The following TBCK variants were observed in gnomAD, a reference collection of about 807,000 sequenced individuals.
TBCK encodes the protein TBC domain-containing protein kinase-like protein.
Under a neutral mutation model 113.4 loss-of-function variants are expected in TBCK, and 99 were observed. That is an observed-to-expected ratio of 0.87 (90% CI 0.74 to 1.03). TBCK has a LOEUF of 1.03. TBCK is among the 50% of genes least tolerant of loss of function. TBCK has a pLI of 0.00. For missense variants in TBCK, 1,045 were observed against 1,061.3 expected, an observed-to-expected ratio of 0.98 and a Z score of 0.21; for synonymous variants, 369 against 370.8, an observed-to-expected ratio of 1.00 and a Z score of 0.05.
chr4:106,078,989 CTAAA>C (rs2149489108), intron 25 of TBCK, among the ~76,000 whole-genome samples: 1 of 152,146 alleles, frequency 6.6e-6, no homozygotes, highest in East Asian at 1.9e-4. Context: ...ACATATGCAA[CTAAA>C]TAAATATGAT....
At chr4:106,153,590 A>G (rs1229069999) in intron 23 of TBCK, among the ~76,000 whole-genome samples, 1 of 152,130 alleles carries the variant, frequency 6.6e-6, no homozygotes, top group Non-Finnish European at 1.5e-5. Context: ...CATTTGGTCT[A>G]TAATGCAGGT....
intron 25 of TBCK, among the ~76,000 whole-genome samples, chr4:106,049,986 C>T (rs1055231010): frequency 6.6e-6 from 1 of 151,924 alleles, no homozygotes; most frequent in Non-Finnish European, 1.5e-5. Context: ...TGTCTGGGAC[C>T]TCAAACTGCA....
intron 20 of TBCK, among the ~76,000 whole-genome samples, chr4:106,199,200 T>C (rs1754599871): frequency 6.6e-6 from 1 of 152,176 alleles, no homozygotes; most frequent in Admixed American, 6.5e-5. Context: ...ATAATTTCTA[T>C]GTCATTAAAT....
chr4:106,256,461 C>T (rs956699658), intron 5 of TBCK, among the ~76,000 whole-genome samples: 5 of 152,178 alleles, frequency 3.3e-5, no homozygotes, highest in African/African-American at 4.8e-5. Flanking sequence ...CACACCCAGC[C>T]GGGGTCCAAC....
chr4:106,149,228 G>C (rs1455286041), intron 23 of TBCK, among the ~76,000 whole-genome samples: 1 of 152,200 alleles, frequency 6.6e-6, no homozygotes. Flanking sequence ...TCAGCAGGAA[G>C]TCTGCTTTGC....
intron 20 of TBCK, among the ~76,000 whole-genome samples, chr4:106,201,929 T>A (rs1297954886): frequency 6.6e-6 from 1 of 152,058 alleles, no homozygotes; most frequent in Non-Finnish European, 1.5e-5. Flanking sequence ...TATATGTACA[T>A]TAGGAAACAT....
chr4:106,236,625 A>C, intron 13 of TBCK, 106 bp from the exon 14 acceptor site: 1 of 1,156,786 alleles, frequency 8.6e-7, no homozygotes, highest in Non-Finnish European at 1.1e-6. Context: ...AAAGCACAAA[A>C]TTTTAATAAA....
chr4:106,172,519 T>C (rs1322728671), intron 22 of TBCK, among the ~76,000 whole-genome samples: 2 of 152,172 alleles, frequency 1.3e-5, no homozygotes, highest in African/African-American at 2.4e-5. Flanking sequence ...ACAAATGGCA[T>C]ATATTCTCAT....
At chr4:106,167,603 T>C (rs1459623807) in intron 23 of TBCK, among the ~76,000 whole-genome samples, 5 of 151,486 alleles carry the variant, frequency 3.3e-5, no homozygotes, top group Non-Finnish European at 5.9e-5. Context: ...CTTGCAAAGA[T>C]GAATAAAATC....
At chr4:106,246,977 A>C (rs555282754) in intron 10 of TBCK, among the ~76,000 whole-genome samples, 162 bp downstream of exon 10, 1 of 152,154 alleles carries the variant, frequency 6.6e-6, no homozygotes, top group South Asian at 2.1e-4. Flanking sequence ...GAGCCACTGC[A>C]CCCAGCCAGT....
chr4:106,284,380 T>A (rs1764914845), intron 3 of TBCK, among the ~76,000 whole-genome samples: 1 of 152,094 alleles, frequency 6.6e-6, no homozygotes, highest in Non-Finnish European at 1.5e-5. Flanking sequence ...GTAGGCAATG[T>A]TTTAACAGGG....
intron 12 of TBCK, chr4:106,237,432 A>C: frequency 2.2e-6 from 1 of 451,320 alleles, no homozygotes; most frequent in South Asian, 1.6e-5. Context: ...GGAAGGCAGT[A>C]GTAAAGTAAA....
At chr4:106,083,834 G>A (rs1739192233) in intron 25 of TBCK, among the ~76,000 whole-genome samples, 1 of 152,092 alleles carries the variant, frequency 6.6e-6, no homozygotes, top group Admixed American at 6.6e-5. Flanking sequence ...AACTGCAGCA[G>A]CCCTACAGAA....
rs1268598621 is a variant in TBCK at position 106,218,062 on chromosome 4, C to T, written c.1775-5227G>A. On this transcript the variant is annotated intron_variant, in intron 19 of 25. Transcript: ENST00000394708. ...CAGAATAGAGCCCTCAGAAATAACG[C>T]CGCATATCTACAACTATCTGATCTT... Among the ~76,000 whole-genome samples the T allele has an allele frequency of 1.1e-4, 16 of 145,558 alleles. 1 individual carries two copies. In the South Asian group the frequency reaches 3.2e-3, roughly 30 times the overall value.
At chr4:106,250,046 G>A (rs1761257496) in intron 7 of TBCK, among the ~76,000 whole-genome samples, 1 of 151,980 alleles carries the variant, frequency 6.6e-6, no homozygotes, top group Admixed American at 6.6e-5. Context: ...GTTGTTATTT[G>A]TACATGATTC....
intron 23 of TBCK, among the ~76,000 whole-genome samples, chr4:106,117,070 C>A (rs1359953273): frequency 2.0e-5 from 3 of 151,840 alleles, no homozygotes; most frequent in Non-Finnish European, 4.4e-5. Context: ...GTAACTGATA[C>A]CTTACTATTG....
rs568545948 is a variant in TBCK at position 106,107,065 on chromosome 4, G to A, written c.2411+9138C>T. 2.0e-5 allele frequency among the ~76,000 whole-genome samples: 3 copies of A among 151,652 alleles called. No homozygotes were observed. The South Asian group carries it at 6.3e-4, about 32-fold the overall frequency. ...ACAAGGGCATTATATAATGGTAAAG[G>A]GTTCAATTTAATAAGACCTAACTAT... On this transcript the variant is annotated intron_variant, in intron 24 of 25. Transcript: ENST00000394708.
In TBCK at chr4:106,311,200, T is replaced by TAC. The variant is rs36011277; in HGVS notation, c.-29-2213_-29-2212dup. ...GCTATTATATTCCTACAGAAACTCCTACACACACACACACACACACACACA... is the reference window on the plus strand; with the variant it reads ...GCTATTATATTCCTACAGAAACTCCTACACACACACACACACACACACACACA... On this transcript the variant is annotated intron_variant, in intron 1 of 25. Transcript: ENST00000394708. Among the ~76,000 whole-genome samples the TAC allele has an allele frequency of 1.0e-2, 1,376 of 138,282 alleles. 11 individuals carry two copies. Among genetic ancestry groups the TAC allele is most frequent in the South Asian group, 0.025 (101 of 3,984 alleles). The allele number at this position is 138,282 out of a possible 152,430, so 90.7% of individuals were successfully genotyped here.
intron 23 of TBCK, among the ~76,000 whole-genome samples, chr4:106,148,357 G>A (rs1034819892): frequency 1.3e-5 from 2 of 152,100 alleles, no homozygotes; most frequent in African/African-American, 2.4e-5. Flanking sequence ...GGAACCTATC[G>A]ACATGTGATG....
Sources: allele counts gnomAD v4.1 joint callset (sites outside exome capture counted in the v4.1 genomes callset), GRCh38; gene constraint gnomAD v4.1.1; transcripts MANE v1.5; gene names NCBI Gene and HGNC (gene_info 2026-07-23, HGNC 2026-07-21).